The following DENND4C variants were observed in gnomAD, a reference collection of about 807,000 sequenced individuals.
The protein encoded by DENND4C is DENN domain-containing protein 4C.
A neutral mutation model predicts 203.0 loss-of-function variants in DENND4C; 108 were observed. The ratio of observed to expected loss-of-function variants is 0.53; its 90% CI spans 0.46 to 0.62. The LOEUF (loss-of-function observed/expected upper bound fraction) is 0.62. Among genes scored for constraint, DENND4C ranks in the 20% least tolerant of loss-of-function variants. The pLI, the probability that DENND4C is intolerant of heterozygous loss-of-function variation, is 0.00. For synonymous variants in DENND4C, 871 were observed against 792.4 expected (o/e 1.10, Z -1.67); for missense variants, 2,481 against 2,301.2 (o/e 1.08, Z -1.60).
intron 29 of DENND4C, among the ~76,000 whole-genome samples, chr9:19,360,759 C>G (rs1826292495): frequency 6.6e-6 from 1 of 152,138 alleles, no homozygotes; most frequent in South Asian, 2.1e-4. Flanking sequence ...TACTTTCTAT[C>G]CAGCAGTTAG....
chr9:19,324,229 G>C (rs55836422), intron 12 of DENND4C, 133 bp from the exon 13 acceptor site: 6,782 of 545,378 alleles, frequency 0.012, 375 homozygotes, highest in African/African-American at 0.12. Flanking sequence ...ACCTATAGAA[G>C]CTTCTTTTTA....
At chr9:19,296,297 A>G (rs1157313470) in intron 6 of DENND4C, 51 bp downstream of exon 6, 3 of 1,227,204 alleles carry the variant, frequency 2.4e-6, no homozygotes, top group South Asian at 2.8e-5. Context: ...GTATATAAAT[A>G]TATACATTTG....
chr9:19,336,628 T>G, intron 19 of DENND4C, 58 bp from the exon 20 acceptor site: 2 of 1,497,550 alleles, frequency 1.3e-6, no homozygotes, highest in South Asian at 2.6e-5. Context: ...TCAATCATGT[T>G]TAGTTTAAGA....
chr9:19,261,294 A>G (rs1270811707), intron 1 of DENND4C, among the ~76,000 whole-genome samples: 1 of 151,110 alleles, frequency 6.6e-6, no homozygotes, highest in African/African-American at 2.5e-5. Flanking sequence ...AGATAATGTG[A>G]TTCTTCCAGT....
intron 1 of DENND4C, among the ~76,000 whole-genome samples, chr9:19,254,753 T>A (rs950885778): frequency 2.6e-5 from 4 of 152,200 alleles, no homozygotes; most frequent in African/African-American, 7.2e-5. Context: ...AGTCAGTACA[T>A]AATGTGTATA....
chr9:19,347,977 T>G (rs1046522579), intron 23 of DENND4C, among the ~76,000 whole-genome samples: 1 of 152,218 alleles, frequency 6.6e-6, no homozygotes, highest in African/African-American at 2.4e-5. Flanking sequence ...TTGCTTGTTT[T>G]ACAGAAAAAA....
At chr9:19,369,429 T>C (rs1232066802) in intron 30 of DENND4C, among the ~76,000 whole-genome samples, 1 of 152,154 alleles carries the variant, frequency 6.6e-6, no homozygotes, top group East Asian at 1.9e-4. Context: ...GGGGAAGTGC[T>C]ATTGGTTAAG....
chr9:19,237,114 C>T (rs981160119), intron 1 of DENND4C, among the ~76,000 whole-genome samples: 3 of 151,726 alleles, frequency 2.0e-5, no homozygotes, highest in Admixed American at 6.6e-5. Flanking sequence ...TCCACCTCCT[C>T]GGTTCAAGCG....
At chr9:19,278,550 A>T (rs1162822482) in intron 2 of DENND4C, among the ~76,000 whole-genome samples, 1 of 152,214 alleles carries the variant, frequency 6.6e-6, no homozygotes, top group East Asian at 1.9e-4. Context: ...AAAGATCCTC[A>T]TACTCCATGG....
intron 12 of DENND4C, among the ~76,000 whole-genome samples, chr9:19,319,224 T>TAC (rs1418254885): frequency 3.0e-4 from 44 of 146,630 alleles, no homozygotes; most frequent in Admixed American, 1.5e-3. Context: ...TATATATATA[T>TAC]ACACATTTAT....
Position 19,372,378 on chromosome 9 carries a change from T to A in DENND4C, c.*205T>A. 2 of 539,482 alleles carry A rather than the reference T, an allele frequency of 3.7e-6. No individual in the cohort carries two copies. Among genetic ancestry groups the A allele is most frequent in the Non-Finnish European group, 5.8e-6 (2 of 344,382 alleles). The allele number at this position is 539,482 out of a possible 1,614,324, so 33.4% of individuals were successfully genotyped here. A position where few individuals can be genotyped will look rare whatever the true frequency, so the allele number is the denominator to read the frequency against. Reference sequence around the variant, plus strand: ...TGAATGTCCCAGGGCTTATTAATATTGAAGATTTTCAACCCCTGAACTGCT... The same window carrying A: ...TGAATGTCCCAGGGCTTATTAATATAGAAGATTTTCAACCCCTGAACTGCT... On this transcript the variant is annotated 3_prime_UTR_variant, in exon 33 of 33. Transcript: ENST00000434457.
intron 26 of DENND4C, among the ~76,000 whole-genome samples, chr9:19,353,085 T>C (rs756805678): frequency 1.3e-5 from 2 of 152,138 alleles, no homozygotes; most frequent in African/African-American, 4.8e-5. Flanking sequence ...GCAGTGAGTA[T>C]ATATTTTAGA....
chr9:19,298,074 G>T lies in DENND4C; in HGVS notation c.1059G>T (p.Met353Ile). Residue 353 changes from methionine (M) to isoleucine (I), a missense_variant, in exon 7 of 33, where the codon ATG becomes ATT. By Grantham distance (10) the Met-to-Ile change is conservative. This residue lies in a region of DENND4C where 2,289 missense variants were observed against 2,113.3 expected (regional missense o/e 1.08). Coordinates refer to ENST00000434457, the MANE Select transcript of DENND4C (RefSeq NM_001330640.2). ...TTTCTAGGCACATTTCACATTTTAT[G>T]CAAAACATCCCTTTTCCTTCACCAC... ...LPIEKHISHF[M>I]QNIPFPSPQR... 1 of 1,609,048 alleles carries T rather than the reference G, an allele frequency of 6.2e-7. No individual in the cohort carries two copies. The highest frequency in any genetic ancestry group is 1.1e-5 in the South Asian group (1 of 89,532).
chr9:19,368,727 G>C (rs1828192978), intron 30 of DENND4C, among the ~76,000 whole-genome samples: 2 of 152,330 alleles, frequency 1.3e-5, no homozygotes, highest in East Asian at 3.9e-4. Flanking sequence ...TTGAGCCCAG[G>C]AGGTCAAGGC....
At chr9:19,249,309 A>G (rs1588736627) in intron 1 of DENND4C, among the ~76,000 whole-genome samples, 2 of 150,814 alleles carry the variant, frequency 1.3e-5, no homozygotes, top group African/African-American at 2.4e-5. Flanking sequence ...CTGGAGTGCA[A>G]TGGCACGATC....
chr9:19,288,337 A>G (rs1226718292), intron 3 of DENND4C, among the ~76,000 whole-genome samples: 2 of 152,198 alleles, frequency 1.3e-5, no homozygotes, highest in Non-Finnish European at 2.9e-5. Context: ...AGAAGGGGCA[A>G]TCTCTGAGTG....
At chr9:19,291,791 C>T (rs1436906762) in intron 5 of DENND4C, among the ~76,000 whole-genome samples, 1 of 150,496 alleles carries the variant, frequency 6.6e-6, no homozygotes, top group Non-Finnish European at 1.5e-5. Flanking sequence ...AAATGTGGTA[C>T]ATACAAATGT....
chr9:19,357,096 G>A lies in DENND4C; in HGVS notation c.4906G>A (p.Asp1636Asn), dbSNP rs141019742. ...AGAACCTGACTTGATCAACTTTATG[G>A]ACTTCCCAAAACATAACCAGATCAT... ...LAEPDLINFM[D>N]FPKHNQIITE... The change falls in exon 27 of 33, where the codon GAC becomes AAC. Residue 1636 changes from aspartate (D) to asparagine (N), a missense_variant. By Grantham distance (23) the Asp-to-Asn change is conservative. Around this residue, in one of 3 missense-constraint regions of DENND4C, gnomAD observed 2,289 missense variants for 2,113.3 expected, o/e 1.08. Transcript: ENST00000434457. 6.8e-6 allele frequency: 11 copies of A among 1,613,698 alleles called. No individual in the cohort carries two copies. In the African/African-American group the frequency reaches 1.3e-4, roughly 20 times the overall value.
At chr9:19,283,242 A>G (rs1834489583) in intron 2 of DENND4C, among the ~76,000 whole-genome samples, 2 of 152,068 alleles carry the variant, frequency 1.3e-5, no homozygotes, top group Non-Finnish European at 2.9e-5. Flanking sequence ...CTACAGAGTC[A>G]GGATCATCAC....
Sources: allele counts gnomAD v4.1 joint callset (sites outside exome capture counted in the v4.1 genomes callset), GRCh38; gene constraint gnomAD v4.1.1; regional missense constraint gnomAD v4.1.1; transcripts MANE v1.5; gene names NCBI Gene and HGNC (gene_info 2026-07-23, HGNC 2026-07-21).